The following ARNT2 variants were observed in gnomAD, a reference collection of about 807,000 sequenced individuals.
ARNT2 encodes ARNT protein 2.
ARNT2 carries 36 observed loss-of-function variants against 91.7 expected under a neutral mutation model. The ratio of observed to expected loss-of-function variants is 0.39; its 90% CI spans 0.30 to 0.52. ARNT2 has a LOEUF of 0.52. Ranked by LOEUF, ARNT2 falls within the 20% of genes least tolerant of loss-of-function variation. ARNT2 has a pLI of 0.72. For missense variants in ARNT2, 775 were observed against 939.3 expected (o/e 0.83, Z 2.29); for synonymous variants, 365 against 347.1 (o/e 1.05, Z -0.57).
chr15:80,416,961 G>C (rs16972073), intron 1 of ARNT2, among the ~76,000 whole-genome samples: 8,721 of 152,194 alleles, frequency 0.057, 284 homozygotes, highest in South Asian at 0.088. Context: ...CCATTTGCGA[G>C]TATAGGCAGC....
chr15:80,413,903 C>G (rs2141555573), intron 1 of ARNT2, among the ~76,000 whole-genome samples: 1 of 152,232 alleles, frequency 6.6e-6, no homozygotes, highest in Admixed American at 6.5e-5. Context: ...GCCTGGACCA[C>G]CCAATTACCC....
At chr15:80,590,776 T>C (rs551856847) in intron 17 of ARNT2, among the ~76,000 whole-genome samples, 1 of 152,214 alleles carries the variant, frequency 6.6e-6, no homozygotes, top group East Asian at 1.9e-4. Context: ...ATGTTTCCTA[T>C]TTTTTGTTTT....
At chr15:80,405,859 C>T (rs561075727) in intron 1 of ARNT2, among the ~76,000 whole-genome samples, 12 of 151,256 alleles carry the variant, frequency 7.9e-5, no homozygotes, top group East Asian at 5.8e-4. Context: ...TGCACACTTC[C>T]TAAGAACCAG....
intron 11 of ARNT2, among the ~76,000 whole-genome samples, chr15:80,557,557 A>C (rs915457329): frequency 6.6e-6 from 1 of 152,142 alleles, no homozygotes; most frequent in Non-Finnish European, 1.5e-5. Flanking sequence ...CCCCTGGGAC[A>C]TGAGTTTACC....
At chr15:80,452,871 G>A (rs1896420904) in intron 2 of ARNT2, among the ~76,000 whole-genome samples, 1 of 152,178 alleles carries the variant, frequency 6.6e-6, no homozygotes, top group Non-Finnish European at 1.5e-5. Flanking sequence ...ACCCCAGCCT[G>A]GTGTCCACAC....
intron 1 of ARNT2, among the ~76,000 whole-genome samples, chr15:80,448,186 G>A (rs1365880748): frequency 6.6e-6 from 1 of 152,172 alleles, no homozygotes; most frequent in Non-Finnish European, 1.5e-5. Context: ...TTGACCTAGA[G>A]TAGCCCCGTC....
At chr15:80,483,485 C>T (rs1566984375) in intron 5 of ARNT2, among the ~76,000 whole-genome samples, 1 of 152,134 alleles carries the variant, frequency 6.6e-6, no homozygotes, top group Admixed American at 6.5e-5. Flanking sequence ...TTTGCTGTCC[C>T]CTCTATGCTT....
intron 8 of ARNT2, 22 bp from the exon 9 acceptor site, chr15:80,551,177 A>T: frequency 6.2e-7 from 1 of 1,607,350 alleles, no homozygotes; most frequent in Non-Finnish European, 8.5e-7. Context: ...ATTGTTGATG[A>T]CACAGGTATT....
At chr15:80,564,371 T>G (rs1898433743) in intron 12 of ARNT2, among the ~76,000 whole-genome samples, 2 of 152,182 alleles carry the variant, frequency 1.3e-5, no homozygotes, top group South Asian at 4.2e-4. Flanking sequence ...CTGAGCCCCT[T>G]GGATTTGGGA....
At position 80,587,971 on chromosome 15, in the gene ARNT2, C is replaced by T. The variant is rs142450481; in HGVS notation, c.1919-3597C>T. ...AACATGGATGTTACTACATAGACCG[C>T]GGTCAACCACTAAGCAGTCTGTAAG... On this transcript the variant is annotated intron_variant, in intron 17 of 18. Transcript: ENST00000303329. 9.9e-3 allele frequency among the ~76,000 whole-genome samples: 1,501 copies of T among 152,290 alleles called. 14 individuals are homozygous for T. Among genetic ancestry groups the T allele is most frequent in the Non-Finnish European group, 0.016 (1,084 of 68,022 alleles).
intron 5 of ARNT2, among the ~76,000 whole-genome samples, chr15:80,479,773 C>T (rs1052084891): frequency 2.0e-5 from 3 of 152,156 alleles, no homozygotes; most frequent in Non-Finnish European, 2.9e-5. Flanking sequence ...ATCCTGGGCC[C>T]GGCTCTCTTG....
chr15:80,561,546 C>T (rs189881662), intron 11 of ARNT2, among the ~76,000 whole-genome samples: 150 of 152,306 alleles, frequency 9.8e-4, no homozygotes, highest in African/African-American at 3.6e-3. Context: ...CCTTATCTGC[C>T]GTGTTGCTTT....
At chr15:80,487,516 G>A (rs1896995867) in intron 5 of ARNT2, among the ~76,000 whole-genome samples, 2 of 152,232 alleles carry the variant, frequency 1.3e-5, no homozygotes, top group Admixed American at 6.5e-5. Context: ...TTGGCCCCCA[G>A]CTCAGGACAT....
chr15:80,462,790 T>C (rs2004337139), intron 3 of ARNT2, among the ~76,000 whole-genome samples: 1 of 152,246 alleles, frequency 6.6e-6, no homozygotes, highest in South Asian at 2.1e-4. Flanking sequence ...TTTGTAGAGT[T>C]AGCCAGTGAA....
chr15:80,563,255 T>A lies in ARNT2; in HGVS notation c.1316+16T>A. 1 of 1,613,812 alleles carries A rather than the reference T, an allele frequency of 6.2e-7. No homozygotes were observed. The highest frequency in any genetic ancestry group is 8.5e-7 in the Non-Finnish European group (1 of 1,179,724). On this transcript the variant is annotated intron_variant, in intron 12 of 18. Coordinates refer to ENST00000303329, the MANE Select transcript of ARNT2 (RefSeq NM_014862.4). ...CCAACGTCAAGTACGTACACTGCCA[T>A]TTCCCTCTCCTGGAATCCACATGCG...
At chr15:80,477,592 A>T (rs1354263619) in intron 5 of ARNT2, among the ~76,000 whole-genome samples, 3 of 152,160 alleles carry the variant, frequency 2.0e-5, no homozygotes, top group Non-Finnish European at 2.9e-5. Context: ...TTCTCACAAG[A>T]ATTATAACCA....
chr15:80,531,954 C>G (rs891546404), intron 8 of ARNT2, among the ~76,000 whole-genome samples: 2 of 152,146 alleles, frequency 1.3e-5, no homozygotes, highest in African/African-American at 4.8e-5. Flanking sequence ...CAGGACAGAG[C>G]TCAGCCACAG....
At chr15:80,482,603 A>G (rs1463734562) in intron 5 of ARNT2, among the ~76,000 whole-genome samples, 1 of 152,182 alleles carries the variant, frequency 6.6e-6, no homozygotes, top group African/African-American at 2.4e-5. Context: ...GCGTGACCCA[A>G]TATCCCTGGG....
chr15:80,503,215 G>A (rs1410421767), intron 5 of ARNT2, among the ~76,000 whole-genome samples: 1 of 152,228 alleles, frequency 6.6e-6, no homozygotes, highest in African/African-American at 2.4e-5. Context: ...TCTCCTGTGG[G>A]ATGGAGACTG....
Sources: allele counts gnomAD v4.1 joint callset (sites outside exome capture counted in the v4.1 genomes callset), GRCh38; gene constraint gnomAD v4.1.1; transcripts MANE v1.5; gene names NCBI Gene and HGNC (gene_info 2026-07-23, HGNC 2026-07-21).